The following PCDHGA2 variants were observed in gnomAD, a reference collection of about 807,000 sequenced individuals.
The protein encoded by PCDHGA2 is protocadherin gamma subfamily A, 2.
A neutral mutation model predicts 59.2 loss-of-function variants in PCDHGA2; 40 were observed. That is an observed-to-expected ratio of 0.68 (90% confidence interval 0.52 to 0.88). PCDHGA2 has a LOEUF of 0.88. Among genes scored for constraint, PCDHGA2 ranks in the 40% least tolerant of loss-of-function variants. The pLI, the probability that PCDHGA2 is intolerant of heterozygous loss-of-function variation, is 0.00. For missense variants in PCDHGA2, 1,226 were observed against 1,204.0 expected, an observed-to-expected ratio of 1.02 and a Z score of -0.27; for synonymous variants, 560 against 526.0, an observed-to-expected ratio of 1.06 and a Z score of -0.89.
chr5:141,341,425 A>G (rs1335458256), intron 1 of PCDHGA2, 30 bp downstream of exon 1: 4 of 1,612,378 alleles, frequency 2.5e-6, no homozygotes, highest in Non-Finnish European at 3.4e-6. Context: ...CATACGTACT[A>G]GCTAGTTTGC....
At chr5:141,414,508 C>T in intron 1 of PCDHGA2, 1 of 1,613,970 alleles carries the variant, frequency 6.2e-7, no homozygotes, top group Non-Finnish European at 8.5e-7. Context: ...CTTTATGCTA[C>T]AAGTGGCAGA....
intron 1 of PCDHGA2, chr5:141,413,772 A>G: frequency 1.9e-6 from 3 of 1,613,226 alleles, no homozygotes; most frequent in Non-Finnish European, 2.5e-6. Context: ...CGGAGCTGGT[A>G]CTGGAGCACT....
At chr5:141,381,974 C>T (rs1049134937) in intron 1 of PCDHGA2, among the ~76,000 whole-genome samples, 18 of 151,606 alleles carry the variant, frequency 1.2e-4, no homozygotes, top group Admixed American at 5.9e-4. Flanking sequence ...GGATTACAGG[C>T]GCGCGCCACC....
chr5:141,471,846 T>C (rs2099265433), intron 1 of PCDHGA2, among the ~76,000 whole-genome samples: 1 of 152,180 alleles, frequency 6.6e-6, no homozygotes. Context: ...AATAAAATAT[T>C]CAGAAAAAGC....
At chr5:141,502,406 T>G (rs1390520101) in intron 2 of PCDHGA2, among the ~76,000 whole-genome samples, 1 of 152,072 alleles carries the variant, frequency 6.6e-6, no homozygotes, top group African/African-American at 2.4e-5. Context: ...TCCCCGAACC[T>G]GGATTTGCTG....
rs755270981 is a variant in PCDHGA2, at chr5:141,408,462, AGAACC to A, written c.2424+67071_2424+67075del. On this transcript the variant is annotated intron_variant, in intron 1 of 3. Coordinates refer to ENST00000394576, the MANE Select transcript of PCDHGA2 (RefSeq NM_018915.4). Reference sequence around the variant, plus strand: ...GCGGAGAGCGGGGACTTACTTGTGAAGAACCGAATAGACCGTGAGCAAATATGCAA... The same window carrying A: ...GCGGAGAGCGGGGACTTACTTGTGAAGAATAGACCGTGAGCAAATATGCAA... 2.2e-5 allele frequency: 35 copies of A among 1,613,962 alleles called. No homozygotes were observed. The South Asian group carries it at 3.3e-4, about 15-fold the overall frequency.
chr5:141,339,885 A>G lies in PCDHGA2; in HGVS notation c.914A>G (p.Lys305Arg), dbSNP rs754079141. The G allele has an allele frequency of 6.2e-7, 1 of 1,614,168 alleles. No individual in the cohort carries two copies. Among genetic ancestry groups the G allele is most frequent in the South Asian group, 1.1e-5 (1 of 91,090 alleles). ...ACATCTGGAGAACTGACAATCATAA[A>G]AGATCTAGATTATGAGGATGCTACA... ...KSTSGELTII[K>R]DLDYEDATFH... Residue 305 changes from lysine (K) to arginine (R), a missense_variant, in exon 1 of 4, where the codon AAA becomes AGA. Coordinates refer to ENST00000394576, the MANE Select transcript of PCDHGA2 (RefSeq NM_018915.4).
At chr5:141,404,129 A>C in intron 1 of PCDHGA2, 2 of 1,613,162 alleles carry the variant, frequency 1.2e-6, no homozygotes, top group Non-Finnish European at 1.7e-6. Context: ...TCTATCTTTT[A>C]CATTAGAAAA....
At chr5:141,433,318 G>A (rs1659490277) in intron 1 of PCDHGA2, 2 of 788,746 alleles carry the variant, frequency 2.5e-6, no homozygotes, top group Non-Finnish European at 4.0e-6. Context: ...CTTTGCCTCC[G>A]GTGTAACAGG....
intron 1 of PCDHGA2, chr5:141,355,860 G>T (rs1289299237): frequency 2.5e-6 from 4 of 1,612,220 alleles, no homozygotes; most frequent in Non-Finnish European, 3.4e-6. Flanking sequence ...GAGGTGACCC[G>T]GTTCGCTCTG....
chr5:141,448,788 A>C (rs865953914), intron 1 of PCDHGA2, among the ~76,000 whole-genome samples: 3 of 151,964 alleles, frequency 2.0e-5, no homozygotes, highest in South Asian at 2.1e-4. Flanking sequence ...AAAATACAAA[A>C]AAAAAAATTA....
chr5:141,375,181 C>T (rs868598149), intron 1 of PCDHGA2: 1 of 1,613,954 alleles, frequency 6.2e-7, no homozygotes, highest in Non-Finnish European at 8.5e-7. Flanking sequence ...GAACAGTAAT[C>T]GCCCTTTTTC....
Position 141,511,151 on chromosome 5 carries a change from C to G in PCDHGA2, c.2777C>G (p.Ser926Trp). The change falls in exon 4 of 4, where the codon TCG becomes TGG. Residue 926 changes from serine (S) to tryptophan (W), a missense_variant. Transcript: ENST00000394576. ...PAGGNGNKKK[S>W]GKKEKK ...GGTGGCAATGGCAACAAGAAGAAGTCGGGCAAGAAGGAGAAGAAGTAACAT... is the reference window on the plus strand; with the variant it reads ...GGTGGCAATGGCAACAAGAAGAAGTGGGGCAAGAAGGAGAAGAAGTAACAT... The G allele has an allele frequency of 6.2e-7, 1 of 1,614,152 alleles. No individual in the cohort carries two copies. Among genetic ancestry groups the G allele is most frequent in the Non-Finnish European group, 8.5e-7 (1 of 1,179,994 alleles).
In PCDHGA2 at chr5:141,389,510, G is replaced by A. The variant is rs527483186; in HGVS notation, c.2424+48115G>A. The A allele has an allele frequency of 5.0e-6, 8 of 1,613,140 alleles. No individual in the cohort carries two copies. In the African/African-American group the frequency reaches 6.7e-5, roughly 13 times the overall value. ...ACCAGGGCTCGCCAGCGCTCAGCGC[G>A]AACGTGAGCCTGCGCGTGTTAGTGG... On this transcript the variant is annotated intron_variant, in intron 1 of 3. Transcript: ENST00000394576.
chr5:141,388,477 C>A (rs371333912), intron 1 of PCDHGA2: 34 of 1,613,702 alleles, frequency 2.1e-5, no homozygotes, highest in Non-Finnish European at 2.9e-5. Flanking sequence ...GTATTGAAGA[C>A]ACCTTTGGAC....
At chr5:141,457,063 G>A (rs1477613746) in intron 1 of PCDHGA2, among the ~76,000 whole-genome samples, 1 of 152,104 alleles carries the variant, frequency 6.6e-6, no homozygotes, top group East Asian at 1.9e-4. Context: ...CTTCCTTTTT[G>A]CCAGTAACTA....
Position 141,486,271 on chromosome 5 carries a change from C to G in PCDHGA2, c.2425-8536C>G, listed in dbSNP as rs143039217. ...CCCTCCCCGAGAGTGCAGAACCTGG[C>G]ACTGTGGTGGCACTTATCAGTGTGC... On this transcript the variant is annotated intron_variant, in intron 1 of 3. Coordinates refer to ENST00000394576, the MANE Select transcript of PCDHGA2 (RefSeq NM_018915.4). The surrounding 1 kb of genome is among the most constrained non-coding windows in gnomAD (Gnocchi z 5.0). 6.2e-7 allele frequency: 1 copy of G among 1,613,968 alleles called. No homozygotes were observed. Among genetic ancestry groups the G allele is most frequent in the African/African-American group, 1.3e-5 (1 of 74,902 alleles).
intron 1 of PCDHGA2, chr5:141,415,300 C>T (rs763286826): frequency 3.1e-6 from 5 of 1,614,222 alleles, no homozygotes; most frequent in East Asian, 4.5e-5. Context: ...CTGCGTCTTC[C>T]TGGCCTTCGT....
chr5:141,341,659 G>A, intron 1 of PCDHGA2: 1 of 657,236 alleles, frequency 1.5e-6, no homozygotes, highest in Non-Finnish European at 2.5e-6. Context: ...AGGAACTAGG[G>A]TGTCTGGTTT....
Sources: gnomAD v4.1 joint callset for allele counts (sites outside exome capture counted in the v4.1 genomes callset) on GRCh38, gnomAD v4.1.1 for gene constraint, Gnocchi (gnomAD v3.1) non-coding constraint, MANE v1.5 for transcripts, NCBI Gene and HGNC (gene_info 2026-07-23, HGNC 2026-07-21) for gene names.